C14orf39: variants seen among roughly 807,000 people sequenced by gnomAD.
The protein encoded by C14orf39 is protein SIX6OS1.
C14orf39 carries 66 observed loss-of-function variants against 85.6 expected under a neutral mutation model. The ratio of observed to expected loss-of-function variants is 0.77; its 90% confidence interval spans 0.63 to 0.95. The LOEUF (loss-of-function observed/expected upper bound fraction) is 0.95. Among genes scored for constraint, C14orf39 ranks in the 40% least tolerant of loss-of-function variants. The pLI is 0.00. For synonymous variants in C14orf39, 242 were observed against 214.0 expected, an observed-to-expected ratio of 1.13 and a Z score of -1.14; for missense variants, 735 against 663.9, an observed-to-expected ratio of 1.11 and a Z score of -1.18.
chr14:60,472,576 G>A (rs986661724), intron 5 of C14orf39, among the ~76,000 whole-genome samples: 3 of 151,870 alleles, frequency 2.0e-5, no homozygotes, highest in Non-Finnish European at 2.9e-5. Flanking sequence ...AACAGGCCCC[G>A]GGGTGTGATG....
At chr14:60,507,065 G>A (rs1411121200) in intron 1 of C14orf39, among the ~76,000 whole-genome samples, 1 of 152,138 alleles carries the variant, frequency 6.6e-6, no homozygotes, top group Non-Finnish European at 1.5e-5. Context: ...CGCTGGGATC[G>A]GGGTCGGCTC....
chr14:60,511,479 C>A, intron 1 of C14orf39: 1 of 609,002 alleles, frequency 1.6e-6, no homozygotes, highest in South Asian at 1.9e-5. Context: ...CCTGACCCAG[C>A]ACCACGTTCT....
At chr14:60,465,179 T>C (rs1348182687) in intron 11 of C14orf39, among the ~76,000 whole-genome samples, 1 of 152,158 alleles carries the variant, frequency 6.6e-6, no homozygotes, top group African/African-American at 2.4e-5. Flanking sequence ...ATTGACATCA[T>C]CTGGAATTTC....
At chr14:60,468,611 GTTT>G in intron 8 of C14orf39, 75 bp from the exon 9 acceptor site, 2 of 765,580 alleles carry the variant, frequency 2.6e-6, no homozygotes, top group Non-Finnish European at 4.0e-6. Context: ...TTTATCTTAT[GTTT>G]TTTCTATATA....
upstream of C14orf39, among the ~76,000 whole-genome samples, chr14:60,489,667 G>A (rs948871403): frequency 1.3e-5 from 2 of 152,064 alleles, no homozygotes; most frequent in Non-Finnish European, 2.9e-5. Flanking sequence ...CCTCAGAAGC[G>A]TTAAAATATC....
In C14orf39 at chr14:60,469,553, C is replaced by A; in HGVS notation, c.655G>T (p.Glu219Ter). Residue 219 changes from glutamate (E) to a stop codon, truncating the protein, a stop_gained, in exon 8 of 18, where the codon GAA becomes TAA. Coordinates refer to ENST00000321731, the MANE Select transcript of C14orf39 (RefSeq NM_174978.3). LOFTEE classifies it high-confidence loss of function. ...LKKEVDEMEI[E>*]INYLNQQISR... The stretch of plus-strand genomic sequence containing the variant: ...TATACCTGGTTTAAATAATTAATTT[C>A]TATTTCCATTTCATCTACTTCTTTC... 7.5e-6 allele frequency: 11 copies of A among 1,468,682 alleles called. No homozygotes were observed. The highest frequency in any genetic ancestry group is 1.0e-5 in the Non-Finnish European group (11 of 1,088,798). 91.0% of individuals were successfully genotyped at this position (1,468,682 alleles called of 1,614,324 possible).
chr14:60,485,073 A>C lies in C14orf39; in HGVS notation c.6T>G (p.Asn2Lys). ...TGTCCAAACTGACAAACAGGCTGTC[A>C]TTCATCTTGGATACTATGTTAAATG... M[N>K]DSLFVSLDRL... Residue 2 changes from asparagine to lysine, a missense_variant, in exon 2 of 18, where the codon AAT becomes AAG. Physicochemically the swap from Asn to Lys is moderately conservative, Grantham distance 94 (BLOSUM62 0). Transcript: ENST00000321731. The C allele has an allele frequency of 6.2e-7, 1 of 1,608,892 alleles. No homozygotes were observed. The highest frequency in any genetic ancestry group is 2.2e-5 in the East Asian group (1 of 44,840).
intron 16 of C14orf39, among the ~76,000 whole-genome samples, chr14:60,445,293 C>T (rs1890710745): frequency 6.6e-6 from 1 of 152,036 alleles, no homozygotes; most frequent in South Asian, 2.1e-4. Flanking sequence ...GAGTCAAGAC[C>T]CATCACTGTG....
Position 60,471,593 on chromosome 14 carries a change from T to C in C14orf39, c.470A>G (p.Glu157Gly), listed in dbSNP as rs753101932. 1 of 1,605,008 alleles carries C rather than the reference T, an allele frequency of 6.2e-7. No homozygotes were observed. Among genetic ancestry groups the C allele is most frequent in the Admixed American group, 1.7e-5 (1 of 58,086 alleles). Reference sequence around the variant, plus strand: ...AATTGTTTCATTCATTTTTAATTGTTCAGTACATGCCAACACTCTGCTTTG... The same window carrying C: ...AATTGTTTCATTCATTTTTAATTGTCCAGTACATGCCAACACTCTGCTTTG... ...EIQSRVLACT[E>G]QLKMNETIFM... is the part of the protein sequence containing the mutation. The change falls in exon 6 of 18, where the codon GAA (glutamate) becomes GGA (glycine). Residue 157 changes from glutamate to glycine, a missense_variant. Transcript: ENST00000321731.
At chr14:60,468,668 TAC>T (rs943526364) in intron 8 of C14orf39, 132 bp from the exon 9 acceptor site, 14 of 450,598 alleles carry the variant, frequency 3.1e-5, no homozygotes, top group African/African-American at 2.5e-4. Context: ...ATCTTCTATT[TAC>T]AGTTATTAAA....
In C14orf39 at chr14:60,436,960, T is replaced by C; in HGVS notation, c.1649A>G (p.Lys550Arg). Residue 550 changes from lysine (K) to arginine (R), a missense_variant, in exon 18 of 18, where the codon AAA (lysine) becomes AGA (arginine). Transcript: ENST00000321731. ...TGAAAATGGAAAACTAAAATCATCT[T>C]TTCCAGCTCCAAATGTATGAGTTGA... ...DTSTHTFGAG[K>R]DDFSFPFSFG... The C allele has an allele frequency of 6.2e-7, 1 of 1,613,042 alleles. No individual in the cohort carries two copies. Among genetic ancestry groups the C allele is most frequent in the South Asian group, 1.1e-5 (1 of 91,028 alleles).
intron 1 of C14orf39, among the ~76,000 whole-genome samples, chr14:60,503,777 A>C (rs1893173210): frequency 6.6e-6 from 1 of 152,224 alleles, no homozygotes. Context: ...TTAAGAAAAA[A>C]CAAAATTACA....
At chr14:60,502,157 A>C (rs1893157281) in intron 1 of C14orf39, among the ~76,000 whole-genome samples, 1 of 152,188 alleles carries the variant, frequency 6.6e-6, no homozygotes, top group Non-Finnish European at 1.5e-5. Context: ...TTTTCTATGA[A>C]AACCACTCCC....
chr14:60,469,069 G>C (rs892470398), intron 8 of C14orf39, among the ~76,000 whole-genome samples: 4 of 151,378 alleles, frequency 2.6e-5, no homozygotes, highest in Admixed American at 1.3e-4. Context: ...ATGTTTCCAA[G>C]AAAAGTTTAA....
chr14:60,459,649 T>C (rs1891431557), intron 13 of C14orf39, among the ~76,000 whole-genome samples: 1 of 151,718 alleles, frequency 6.6e-6, no homozygotes, highest in African/African-American at 2.4e-5. Context: ...CTACTTAGTA[T>C]TGTCAGACTT....
intron 16 of C14orf39, among the ~76,000 whole-genome samples, chr14:60,443,893 C>T (rs1890639390): frequency 1.3e-5 from 2 of 152,188 alleles, no homozygotes; most frequent in African/African-American, 4.8e-5. Flanking sequence ...ACTGGTGATA[C>T]ACAGGCAAAC....
At chr14:60,477,429 CTTATA>C (rs766198945) in intron 5 of C14orf39, among the ~76,000 whole-genome samples, 9 of 151,980 alleles carry the variant, frequency 5.9e-5, no homozygotes, top group African/African-American at 1.7e-4. Flanking sequence ...ATTTCAATGT[CTTATA>C]TTAGGTGAAA....
At chr14:60,443,576 T>C (rs1890624617) in intron 16 of C14orf39, among the ~76,000 whole-genome samples, 1 of 152,136 alleles carries the variant, frequency 6.6e-6, no homozygotes, top group Non-Finnish European at 1.5e-5. Context: ...CTCTATAGAC[T>C]CAAACTCTGT....
upstream of C14orf39, among the ~76,000 whole-genome samples, chr14:60,487,831 C>T (rs569245661): frequency 6.6e-6 from 1 of 152,184 alleles, no homozygotes; most frequent in South Asian, 2.1e-4. Context: ...TGTGACGTAT[C>T]CTATTGTGGT....
Sources: gnomAD v4.1 joint callset for allele counts (sites outside exome capture counted in the v4.1 genomes callset) on GRCh38, gnomAD v4.1.1 for gene constraint, MANE v1.5 for transcripts, NCBI Gene and HGNC (gene_info 2026-07-23, HGNC 2026-07-21) for gene names.